The following DEXI variants were observed in gnomAD, a reference collection of about 807,000 sequenced individuals.
The protein encoded by DEXI is Dexi homolog.
A neutral mutation model predicts 2.5 loss-of-function variants in DEXI; 2 were observed. The ratio of observed to expected loss-of-function variants is 0.81; its 90% CI spans 0.33 to 2.55. DEXI has a LOEUF of 2.55. DEXI is among the 30% of genes most tolerant of loss of function. The probability of loss-of-function intolerance (pLI) is 0.11; values close to 1 mark genes in which losing one functional copy is unlikely to be tolerated. For missense variants in DEXI, 108 were observed against 130.3 expected (o/e 0.83, Z 0.83); for synonymous variants, 71 against 68.7 (o/e 1.03, Z -0.17).
In DEXI at chr16:10,941,398, CCCAAA is replaced by C. The variant is rs2041100149; in HGVS notation, c.*149+166_*149+170del. 1 of 469,340 alleles carries C rather than the reference CCCAAA, an allele frequency of 2.1e-6. No individual in the cohort carries two copies. The highest frequency in any genetic ancestry group is 2.0e-5 in the African/African-American group (1 of 48,940). 29.1% of individuals were successfully genotyped at this position (469,340 alleles called of 1,614,324 possible). ...CCCTTTGCTGGAGGAAGCTTTCCAG[CCCAAA>C]CGAAGGGCTTAAGAGGAGTCTGGCC... is the stretch of plus-strand genomic sequence containing the variant. On this transcript the variant is annotated intron_variant, in intron 1 of 1. Transcript: ENST00000331808. The surrounding 1 kb of genome is among the most constrained non-coding windows in gnomAD (Gnocchi z 6.4).
In DEXI at chr16:10,941,978, G is replaced by C. The variant is rs1044639309; in HGVS notation, c.28C>G (p.Leu10Val). 1.3e-5 allele frequency: 20 copies of C among 1,507,314 alleles called. No homozygotes were observed. Among genetic ancestry groups the C allele is most frequent in the Admixed American group, 6.7e-5 (3 of 45,052 alleles). 93.4% of individuals were successfully genotyped at this position (1,507,314 alleles called of 1,614,324 possible). The change falls in exon 1 of 2, where the codon CTG becomes GTG. Residue 10 changes from leucine to valine, a missense_variant. Coordinates refer to ENST00000331808, the MANE Select transcript of DEXI (RefSeq NM_014015.4). This position sits in a 1 kb window ranked among gnomAD's most constrained non-coding sequence, Gnocchi z 6.4. Reference protein sequence around the residue: MLGARVAAHLDALGPLVPYV... With the variant: MLGARVAAHVDALGPLVPYV... ...GGGACCAGGGGGCCCAGTGCGTCCA[G>C]GTGGGCCGCGACCCGGGCGCCGAGC...
rs1376633739 is a variant in DEXI, at chr16:10,941,858, T to C, written c.148A>G (p.Ile50Val). 5 of 1,612,714 alleles carry C rather than the reference T, an allele frequency of 3.1e-6. No homozygotes were observed. The highest frequency in any genetic ancestry group is 3.3e-5 in the Admixed American group (2 of 60,002). ...ILYYAFLMEY[I>V]VLNVGLVFLP... ...AAGACGAGGCCCACGTTGAGGACGA[T>C]GTACTCCATGAGGAAGGCGTAGTAC... The change falls in exon 1 of 2, where the codon ATC becomes GTC. Residue 50 changes from isoleucine to valine, a missense_variant. By Grantham distance (29) the Ile-to-Val change is conservative (BLOSUM62 3). Transcript: ENST00000331808. The surrounding 1 kb of genome is among the most constrained non-coding windows in gnomAD (Gnocchi z 6.4).
Position 10,942,130 on chromosome 16 carries a change from C to T in DEXI, c.-125G>A, listed in dbSNP as rs2041110961. The T allele has an allele frequency of 1.4e-6, 1 of 699,172 alleles. No individual in the cohort carries two copies. Among genetic ancestry groups the T allele is most frequent in the Non-Finnish European group, 2.1e-6 (1 of 478,782 alleles). 43.3% of individuals were successfully genotyped at this position (699,172 alleles called of 1,614,324 possible). On this transcript the variant is annotated 5_prime_UTR_variant, in exon 1 of 2. Transcript: ENST00000331808. This position sits in a 1 kb window ranked among gnomAD's most constrained non-coding sequence, Gnocchi z 5.0. ...CCCTGGAGCCCGACAGAAGCAGGGC[C>T]GGGCTCCAGATGTCCCCTGGCAATT... is the stretch of plus-strand genomic sequence containing the variant.
chr16:10,936,184 C>CG (rs1359767819), intron 1 of DEXI: 1 of 151,852 alleles, frequency 6.6e-6, no homozygotes. Flanking sequence ...TTTGTAGAGA[C>CG]GGGGTCTCAC....
At chr16:10,936,649 T>C (rs1407846211) in intron 1 of DEXI, 3 of 152,158 alleles carry the variant, frequency 2.0e-5, no homozygotes, top group African/African-American at 7.2e-5. Flanking sequence ...GTTGGAAGAG[T>C]GCGTATGAAA....
intron 1 of DEXI, chr16:10,936,079 C>G (rs1473470610): frequency 6.6e-6 from 1 of 151,528 alleles, no homozygotes; most frequent in Non-Finnish European, 1.5e-5. Context: ...CAGCCTTGAA[C>G]TCCCGGACTC....
In DEXI at chr16:10,929,400, A is replaced by T; in HGVS notation, c.*309T>A. ...AAGCCAAGGCCAGGCCATCGATTTG[A>T]CACTGCAGGCAGATGAGGTCTTGGG... is the stretch of plus-strand genomic sequence containing the variant. On this transcript the variant is annotated 3_prime_UTR_variant, in exon 2 of 2. Transcript: ENST00000331808. This position sits in a 1 kb window ranked among gnomAD's most constrained non-coding sequence, Gnocchi z 4.3. 5 of 985,856 alleles carry T rather than the reference A, an allele frequency of 5.1e-6. No homozygotes were observed. The highest frequency in any genetic ancestry group is 6.0e-6 in the Non-Finnish European group (5 of 829,946). The allele number at this position is 985,856 out of a possible 1,614,324, so 61.1% of individuals were successfully genotyped here.
In DEXI at chr16:10,929,299, C is replaced by T. The variant is rs1170199116; in HGVS notation, c.*410G>A. ...GAAGGTGAAGTGGGGGAAGCAGGTG[C>T]GCTCCGGGATGAAGTGCAGGGAGGC... On this transcript the variant is annotated 3_prime_UTR_variant, in exon 2 of 2. Transcript: ENST00000331808. This position sits in a 1 kb window ranked among gnomAD's most constrained non-coding sequence, Gnocchi z 4.3. 36 of 985,816 alleles carry T rather than the reference C, an allele frequency of 3.7e-5. No individual in the cohort carries two copies. Among genetic ancestry groups the T allele is most frequent in the African/African-American group, 1.6e-4 (9 of 57,244 alleles). The allele number at this position is 985,816 out of a possible 1,614,324, so 61.1% of individuals were successfully genotyped here. A position where few individuals can be genotyped will look rare whatever the true frequency, so the allele number is the denominator to read the frequency against.
At chr16:10,932,408 A>T (rs369934601) in intron 1 of DEXI, 1 of 152,194 alleles carries the variant, frequency 6.6e-6, no homozygotes, top group East Asian at 1.9e-4. Context: ...TGCATTTCAC[A>T]TGGAGCTCAG....
Position 10,937,521 on chromosome 16 carries a change from T to C in DEXI, c.*149+4048A>G, listed in dbSNP as rs2041045595. The C allele has an allele frequency of 6.6e-6, 1 of 152,254 alleles. No individual in the cohort carries two copies. The highest frequency in any genetic ancestry group is 1.5e-5 in the Non-Finnish European group (1 of 68,056). The allele number at this position is 152,254 out of a possible 1,614,324, so 9.4% of individuals were successfully genotyped here. A position where few individuals can be genotyped will look rare whatever the true frequency, so the allele number is the denominator to read the frequency against. On this transcript the variant is annotated intron_variant, in intron 1 of 1. Transcript: ENST00000331808. This position sits in a 1 kb window ranked among gnomAD's most constrained non-coding sequence, Gnocchi z 4.2. ...GAAATCCTGGAATAAGATAGACCAATGCATCGATAACCCTCAGCTCCAAAT... is the reference window on the plus strand; with the variant it reads ...GAAATCCTGGAATAAGATAGACCAACGCATCGATAACCCTCAGCTCCAAAT...
chr16:10,933,643 T>C (rs1461068454), intron 1 of DEXI: 1 of 152,210 alleles, frequency 6.6e-6, no homozygotes, highest in East Asian at 1.9e-4. Context: ...GGTGGTTCCT[T>C]CCCTCCTTAG....
chr16:10,935,513 T>A (rs528564931), intron 1 of DEXI: 28 of 152,358 alleles, frequency 1.8e-4, no homozygotes, highest in Non-Finnish European at 2.9e-4. Context: ...AGACATTTTT[T>A]AAAAAATAAA....
Position 10,938,122 on chromosome 16 carries a change from T to C in DEXI, c.*149+3447A>G, listed in dbSNP as rs1362132312. ...TAATATTAATACATCTCTTACTATA[T>C]ACAAGGAGATCTAAGTGCTTTATGT... On this transcript the variant is annotated intron_variant, in intron 1 of 1. Coordinates refer to ENST00000331808, the MANE Select transcript of DEXI (RefSeq NM_014015.4). This position sits in a 1 kb window ranked among gnomAD's most constrained non-coding sequence, Gnocchi z 4.9. 1 of 152,242 alleles carries C rather than the reference T, an allele frequency of 6.6e-6. No homozygotes were observed. The highest frequency in any genetic ancestry group is 1.5e-5 in the Non-Finnish European group (1 of 68,038). 9.4% of individuals were successfully genotyped at this position (152,242 alleles called of 1,614,324 possible).
rs558894436 is a variant in DEXI, at chr16:10,937,216, G to A, written c.*149+4353C>T. On this transcript the variant is annotated intron_variant, in intron 1 of 1. Transcript: ENST00000331808. This position sits in a 1 kb window ranked among gnomAD's most constrained non-coding sequence, Gnocchi z 4.2. Reference sequence around the variant, plus strand: ...GAGCTGGAGAGGTGGCCAGGCCTGGGGGTATACTTGCCTCCCTGTGTCACC... The same window carrying A: ...GAGCTGGAGAGGTGGCCAGGCCTGGAGGTATACTTGCCTCCCTGTGTCACC... The A allele has an allele frequency of 2.6e-5, 4 of 152,410 alleles. No homozygotes were observed. The allele number at this position is 152,410 out of a possible 1,614,324, so 9.4% of individuals were successfully genotyped here.
Position 10,937,383 on chromosome 16 carries a change from C to G in DEXI, c.*149+4186G>C, listed in dbSNP as rs2041043705. 1 of 152,516 alleles carries G rather than the reference C, an allele frequency of 6.6e-6. No individual in the cohort carries two copies. The highest frequency in any genetic ancestry group is 2.1e-4 in the South Asian group (1 of 4,830). The allele number at this position is 152,516 out of a possible 1,614,324, so 9.4% of individuals were successfully genotyped here. A position where few individuals can be genotyped will look rare whatever the true frequency, so the allele number is the denominator to read the frequency against. The stretch of plus-strand genomic sequence containing the variant: ...AGGTTTGGGTTTCTGACCTGGGCAG[C>G]TCTATGTCCGGCACAGGGGTTCTGC... On this transcript the variant is annotated intron_variant, in intron 1 of 1. Coordinates refer to ENST00000331808, the MANE Select transcript of DEXI (RefSeq NM_014015.4). The surrounding 1 kb of genome is among the most constrained non-coding windows in gnomAD (Gnocchi z 4.2).
Position 10,929,111 on chromosome 16 carries a change from C to T in DEXI, c.*598G>A. The T allele has an allele frequency of 2.8e-6, 2 of 716,174 alleles. No homozygotes were observed. The highest frequency in any genetic ancestry group is 3.4e-6 in the Non-Finnish European group (2 of 584,122). 44.4% of individuals were successfully genotyped at this position (716,174 alleles called of 1,614,324 possible). Reference sequence around the variant, plus strand: ...GAGCGAGAATCCCACCCTCAGCCCCCCAACAGCTTCCTCAGCTTCTTTTTC... The same window carrying T: ...GAGCGAGAATCCCACCCTCAGCCCCTCAACAGCTTCCTCAGCTTCTTTTTC... On this transcript the variant is annotated 3_prime_UTR_variant, in exon 2 of 2. Coordinates refer to ENST00000331808, the MANE Select transcript of DEXI (RefSeq NM_014015.4). The surrounding 1 kb of genome is among the most constrained non-coding windows in gnomAD (Gnocchi z 4.3).
Position 10,929,387 on chromosome 16 carries a change from G to A in DEXI, c.*322C>T, listed in dbSNP as rs1021360647. ...TGCAAATAATCAGAAGCCAAGGCCA[G>A]GCCATCGATTTGACACTGCAGGCAG... On this transcript the variant is annotated 3_prime_UTR_variant, in exon 2 of 2. Transcript: ENST00000331808. The surrounding 1 kb of genome is among the most constrained non-coding windows in gnomAD (Gnocchi z 4.3). 167 of 985,894 alleles carry A rather than the reference G, an allele frequency of 1.7e-4. No homozygotes were observed. The highest frequency in any genetic ancestry group is 1.0e-3 in the Middle Eastern group (2 of 1,916). 61.1% of individuals were successfully genotyped at this position (985,894 alleles called of 1,614,324 possible).
At chr16:10,933,605 A>T (rs1446077562) in intron 1 of DEXI, 2 of 152,190 alleles carry the variant, frequency 1.3e-5, no homozygotes, top group East Asian at 3.9e-4. Flanking sequence ...GCCTGACAAT[A>T]CCCAGCACAC....
chr16:10,936,441 T>C (rs1009729533), intron 1 of DEXI: 4 of 152,170 alleles, frequency 2.6e-5, no homozygotes, highest in African/African-American at 9.7e-5. Flanking sequence ...ATTACACATA[T>C]ACACATGTGT....
Sources: allele counts gnomAD v4.1 joint callset, GRCh38; gene constraint gnomAD v4.1.1; non-coding constraint Gnocchi (gnomAD v3.1); transcripts MANE v1.5; gene names NCBI Gene and HGNC (gene_info 2026-07-23, HGNC 2026-07-21).